Variants in PCLAF observed in about 807,000 individuals in gnomAD.
PCLAF encodes the protein PCNA clamp associated factor.
PCLAF carries 12 observed loss-of-function variants against 15.1 expected under a neutral mutation model. The observed-to-expected ratio is 0.79, with a 90% CI of 0.51 to 1.29. The LOEUF (loss-of-function observed/expected upper bound fraction) is 1.29. PCLAF is among the 50% of genes most tolerant of loss of function. The pLI, the probability that PCLAF is intolerant of heterozygous loss-of-function variation, is 0.00. For synonymous variants in PCLAF, 33 were observed against 47.1 expected, an observed-to-expected ratio of 0.70 and a Z score of 1.22; for missense variants, 116 against 130.9, an observed-to-expected ratio of 0.89 and a Z score of 0.56.
chr15:64,370,838 T>G (rs907745906), intron 3 of PCLAF, among the ~76,000 whole-genome samples: 15 of 147,880 alleles, frequency 1.0e-4, no homozygotes, highest in African/African-American at 2.6e-4. Flanking sequence ...TGTTTTTTTT[T>G]TTTTTTTTTT....
At chr15:64,370,152 C>G (rs1899218712) in intron 3 of PCLAF, among the ~76,000 whole-genome samples, 1 of 151,336 alleles carries the variant, frequency 6.6e-6, no homozygotes, top group South Asian at 2.1e-4. Flanking sequence ...AATCATAACT[C>G]ACTGCAGCCT....
chr15:64,379,970 A>G (rs1244025545), intron 2 of PCLAF, among the ~76,000 whole-genome samples: 2 of 152,096 alleles, frequency 1.3e-5, no homozygotes, highest in Non-Finnish European at 1.5e-5. Flanking sequence ...CATTTTTATT[A>G]AAGTTTAGTA....
At chr15:64,369,662 T>C (rs1293466918) in intron 3 of PCLAF, among the ~76,000 whole-genome samples, 2 of 152,182 alleles carry the variant, frequency 1.3e-5, no homozygotes, top group African/African-American at 4.8e-5. Context: ...GTGATTCTCC[T>C]ATCTCAGCCT....
chr15:64,380,868 G>A (rs892663969), intron 2 of PCLAF, 90 bp downstream of exon 2: 13 of 1,100,388 alleles, frequency 1.2e-5, no homozygotes, highest in East Asian at 2.4e-5. Context: ...AAATTCGGGC[G>A]TGAGTACCTC....
intron 1 of PCLAF, among the ~76,000 whole-genome samples, chr15:64,386,874 C>T (rs1449525119): frequency 1.3e-5 from 2 of 152,044 alleles, no homozygotes; most frequent in Admixed American, 6.6e-5. Context: ...CCTGCAAATG[C>T]AACAAAAAGC....
upstream of PCLAF, among the ~76,000 whole-genome samples, chr15:64,385,540 G>A (rs1182652268): frequency 4.6e-5 from 7 of 151,766 alleles, no homozygotes; most frequent in Non-Finnish European, 8.8e-5. Context: ...CAGGAAAATC[G>A]CTTGAACCCG....
At chr15:64,380,796 C>G (rs576865967) in intron 2 of PCLAF, among the ~76,000 whole-genome samples, 162 bp downstream of exon 2, 1 of 152,114 alleles carries the variant, frequency 6.6e-6, no homozygotes, top group Non-Finnish European at 1.5e-5. Context: ...GACCTCCCCC[C>G]CACCTCTACC....
At chr15:64,378,098 T>A (rs1899689128) in intron 2 of PCLAF, among the ~76,000 whole-genome samples, 1 of 151,994 alleles carries the variant, frequency 6.6e-6, no homozygotes, top group Non-Finnish European at 1.5e-5. Context: ...ACCTGGCTAA[T>A]TTTTTGTACT....
intron 2 of PCLAF, 129 bp from the exon 3 acceptor site, chr15:64,377,034 C>G: frequency 1.4e-6 from 1 of 697,546 alleles, no homozygotes; most frequent in Non-Finnish European, 2.3e-6. Flanking sequence ...AGATATACAA[C>G]TTAAAGAATT....
rs978143551 is a variant in PCLAF at position 64,365,545 on chromosome 15, G to A, written c.*485C>T. On this transcript the variant is annotated 3_prime_UTR_variant, in exon 4 of 4. Transcript: ENST00000300035. ...TCCATCCAAGGTTTTCCAACATTGC[G>A]TATTTGTCCTCCTTGCCAAAAAAGA... 20 of 158,822 alleles carry A rather than the reference G, an allele frequency of 1.3e-4. No individual in the cohort carries two copies. The highest frequency in any genetic ancestry group is 5.5e-5 in the Non-Finnish European group (4 of 72,968). 9.8% of individuals were successfully genotyped at this position (158,822 alleles called of 1,614,324 possible).
At chr15:64,371,338 T>G (rs1436660716) in intron 3 of PCLAF, among the ~76,000 whole-genome samples, 1 of 151,948 alleles carries the variant, frequency 6.6e-6, no homozygotes, top group African/African-American at 2.4e-5. Context: ...CGATCTCAGC[T>G]CACTGCAACC....
chr15:64,378,440 T>C (rs1899703489), intron 2 of PCLAF, among the ~76,000 whole-genome samples: 1 of 152,204 alleles, frequency 6.6e-6, no homozygotes, highest in African/African-American at 2.4e-5. Flanking sequence ...CTTATTTATT[T>C]ACATTTATAA....
At chr15:64,366,351 C>G (rs1271567533) in intron 3 of PCLAF, among the ~76,000 whole-genome samples, 1 of 152,114 alleles carries the variant, frequency 6.6e-6, no homozygotes, top group African/African-American at 2.4e-5. Context: ...AAAAAAGAAT[C>G]TATTTATATA....
At chr15:64,374,603 G>C (rs1191468495) in intron 3 of PCLAF, among the ~76,000 whole-genome samples, 1 of 152,030 alleles carries the variant, frequency 6.6e-6, no homozygotes, top group Non-Finnish European at 1.5e-5. Flanking sequence ...CCAGCACAGT[G>C]GGAGGCCAAG....
At chr15:64,382,300 G>C (rs1437711465), upstream of PCLAF, 2 of 152,108 alleles carry the variant, frequency 1.3e-5, no homozygotes, top group Non-Finnish European at 2.9e-5. Context: ...GCTGAGGTGG[G>C]AGGATGGCTT....
intron 1 of PCLAF, chr15:64,387,436 C>A: frequency 8.3e-7 from 1 of 1,206,378 alleles, no homozygotes; most frequent in Non-Finnish European, 1.1e-6. Context: ...ACCACCAGAG[C>A]AAAAACTTAC....
chr15:64,385,102 C>T (rs149540816), upstream of PCLAF, among the ~76,000 whole-genome samples: 431 of 152,160 alleles, frequency 2.8e-3, 1 homozygote, highest in African/African-American at 1.0e-2. Flanking sequence ...ATTGCCCAGA[C>T]TGGTCTCGAA....
chr15:64,385,141 C>T (rs1899909170), upstream of PCLAF, among the ~76,000 whole-genome samples: 5 of 152,124 alleles, frequency 3.3e-5, no homozygotes, highest in South Asian at 1.0e-3. Context: ...CCTCCCACCT[C>T]AGCCTCCCAA....
chr15:64,376,633 G>T, intron 3 of PCLAF, 110 bp downstream of exon 3: 1 of 764,846 alleles, frequency 1.3e-6, no homozygotes, highest in Non-Finnish European at 2.1e-6. Flanking sequence ...TGGACAGGCT[G>T]GTTTTGAACT....
Sources: gnomAD v4.1 joint callset for allele counts (sites outside exome capture counted in the v4.1 genomes callset) on GRCh38, gnomAD v4.1.1 for gene constraint, MANE v1.5 for transcripts, NCBI Gene and HGNC (gene_info 2026-07-23, HGNC 2026-07-21) for gene names.